The following NEB variants were observed in gnomAD, a reference collection of about 807,000 sequenced individuals.
NEB encodes the protein nebulin, also known as nemaline myopathy type 2.
Under a neutral mutation model 952.2 loss-of-function variants are expected in NEB, and 512 were observed. The ratio of observed to expected loss-of-function variants is 0.54; its 90% CI spans 0.50 to 0.58. The LOEUF (loss-of-function observed/expected upper bound fraction) is 0.58, where lower values mean the gene tolerates loss of function less well. NEB is among the 20% of genes least tolerant of loss of function. The pLI is 0.00. For missense variants in NEB, 8,428 were observed against 9,231.1 expected, an observed-to-expected ratio of 0.91 and a Z score of 3.56; for synonymous variants, 2,900 against 3,149.8, an observed-to-expected ratio of 0.92 and a Z score of 2.66.
Position 151,610,065 on chromosome 2 carries a change from C to A in NEB, c.12074G>T (p.Ser4025Ile), listed in dbSNP as rs767858255. The change falls in exon 81 of 182, where the codon AGC becomes ATC. Residue 4025 changes from serine to isoleucine, a missense_variant. Coordinates refer to ENST00000397345, the MANE Select transcript of NEB (RefSeq NM_001164508.2). ...KQKGHHIGAQSIEDDPKIMCA... is the reference protein window; with the variant it reads ...KQKGHHIGAQIIEDDPKIMCA... ...CATAATCTTGGGATCATCTTCAATG[C>A]TCTGGGCTCCAATGTGGTGGCCTTT... 76 of 1,613,720 alleles carry A rather than the reference C, an allele frequency of 4.7e-5. No individual in the cohort carries two copies. Among genetic ancestry groups the A allele is most frequent in the Admixed American group, 3.2e-4 (19 of 59,984 alleles).
At chr2:151,700,328 G>T (rs2099637320) in intron 13 of NEB, among the ~76,000 whole-genome samples, 6 of 87,644 alleles carry the variant, frequency 6.8e-5, no homozygotes, top group African/African-American at 2.9e-4. Flanking sequence ...TTTGGCTTAG[G>T]ACTGACTTGG....
At chr2:151,609,517 A>T (rs1244005139) in intron 81 of NEB, among the ~76,000 whole-genome samples, 1 of 152,234 alleles carries the variant, frequency 6.6e-6, no homozygotes, top group South Asian at 2.1e-4. Flanking sequence ...TTCCATTTTA[A>T]TCCTGTGGCA....
At chr2:151,694,739 C>T in intron 18 of NEB, 110 bp from the exon 19 acceptor site, 2 of 803,386 alleles carry the variant, frequency 2.5e-6, no homozygotes, top group Admixed American at 2.4e-5. Context: ...TAAATGGGCC[C>T]TTTTTATTGT....
chr2:151,526,084 G>A lies in NEB; in HGVS notation c.22051-16C>T, dbSNP rs1233699016. 2 of 1,612,782 alleles carry A rather than the reference G, an allele frequency of 1.2e-6. No homozygotes were observed. The highest frequency in any genetic ancestry group is 4.5e-5 in the East Asian group (2 of 44,886). ...TGTACTTGTTCTGGGGGAATCCATA[G>A]AGAGCTCATTAAGGCATCTGCCTGG... On this transcript the variant is annotated splice_polypyrimidine_tract_variant and intron_variant, in intron 149 of 181. Coordinates refer to ENST00000397345, the MANE Select transcript of NEB (RefSeq NM_001164508.2).
intron 62 of NEB, 37 bp from the exon 63 acceptor site, chr2:151,639,421 G>A: frequency 6.9e-7 from 1 of 1,451,084 alleles, no homozygotes. Flanking sequence ...CAGGAAAAAA[G>A]TTCTGTGTAT....
At chr2:151,504,952 C>G (rs114266322) in intron 165 of NEB, among the ~76,000 whole-genome samples, 87 of 152,092 alleles carry the variant, frequency 5.7e-4, no homozygotes, top group African/African-American at 2.0e-3. Flanking sequence ...GCAAAGAATA[C>G]AGGAGAAGAA....
chr2:151,696,378 C>A (rs1032104246), intron 17 of NEB, among the ~76,000 whole-genome samples: 2 of 152,122 alleles, frequency 1.3e-5, no homozygotes, highest in African/African-American at 4.8e-5. Context: ...CATTTGAATG[C>A]GGTTTTGTTT....
intron 9 of NEB, among the ~76,000 whole-genome samples, 177 bp from the exon 10 acceptor site, chr2:151,717,697 A>G (rs753909381): frequency 6.6e-6 from 1 of 152,144 alleles, no homozygotes; most frequent in Non-Finnish European, 1.5e-5. Context: ...CTCAAGACTC[A>G]TGGCCCTAGA....
rs753872949 is a variant in NEB at position 151,549,715 on chromosome 2, G to A, written c.19970C>T (p.Thr6657Ile). The part of the protein sequence containing the change: ...SSNLYKTSLR[T>I]LPTGYRLPGD... ...TGGAAGTCTATATCCAGTGGGCAGG[G>A]TGCGCAGGCTGGTTTTGTATAGATT... Residue 6657 changes from threonine (T) to isoleucine (I), a missense_variant, in exon 130 of 182, where the codon ACC becomes ATC. Coordinates refer to ENST00000397345, the MANE Select transcript of NEB (RefSeq NM_001164508.2). The A allele has an allele frequency of 1.3e-6, 2 of 1,593,294 alleles. No homozygotes were observed. Among genetic ancestry groups the A allele is most frequent in the African/African-American group, 2.7e-5 (2 of 74,668 alleles).
At chr2:151,491,003 A>C (rs903151695) in intron 179 of NEB, among the ~76,000 whole-genome samples, 11 of 151,748 alleles carry the variant, frequency 7.2e-5, no homozygotes, top group African/African-American at 2.7e-4. Context: ...AAACTGGAGT[A>C]TAAATCCTTT....
At chr2:151,689,339 A>C (rs1463933153) in intron 24 of NEB, 2 of 150,916 alleles carry the variant, frequency 1.3e-5, no homozygotes, top group Non-Finnish European at 2.9e-5. Context: ...TCAGTAGCTG[A>C]GACTACAGGC....
intron 95 of NEB, among the ~76,000 whole-genome samples, 194 bp downstream of exon 95, chr2:151,591,840 C>T (rs1440507123): frequency 6.6e-6 from 1 of 152,310 alleles, no homozygotes; most frequent in South Asian, 2.1e-4. Context: ...TTCCATTTTT[C>T]CTTCCAACAA....
rs199875722 is a variant in NEB at position 151,546,364 on chromosome 2, C to T, written c.20447G>A (p.Arg6816Gln). 123 of 1,612,460 alleles carry T rather than the reference C, an allele frequency of 7.6e-5. No homozygotes were observed. The highest frequency in any genetic ancestry group is 9.4e-5 in the Non-Finnish European group (111 of 1,179,166). Reference sequence around the variant, plus strand: ...ACTCACCCAGAGCTTCCGCAGGTGCCGGGAGCGGACCATGTCAGGAGTGTC... The same window carrying T: ...ACTCACCCAGAGCTTCCGCAGGTGCTGGGAGCGGACCATGTCAGGAGTGTC... ...LYDTPDMVRS[R>Q]HLRKLWSNYL... Residue 6816 changes from arginine (R) to glutamine (Q), a missense_variant, in exon 134 of 182, where the codon CGG (arginine) becomes CAG (glutamine). This residue lies in a region of NEB where 3,374 missense variants were observed against 3,651.5 expected (regional missense o/e 0.92). Coordinates refer to ENST00000397345, the MANE Select transcript of NEB (RefSeq NM_001164508.2).
chr2:151,699,857 CTTTAG>C (rs1303358190), intron 13 of NEB, among the ~76,000 whole-genome samples: 1 of 151,708 alleles, frequency 6.6e-6, no homozygotes, highest in African/African-American at 2.4e-5. Flanking sequence ...TGCAGAAGCT[CTTTAG>C]TTTAATTAGA....
chr2:151,619,720 T>A lies in NEB; in HGVS notation c.10603A>T (p.Ile3535Phe). 3.1e-6 allele frequency: 5 copies of A among 1,613,706 alleles called. No homozygotes were observed. The highest frequency in any genetic ancestry group is 4.2e-6 in the Non-Finnish European group (5 of 1,179,642). The stretch of plus-strand genomic sequence containing the variant: ...TCATCGTGTACTGCTCGGGCGCCAA[T>A]GTGGTGACCCAACTGTTTACGATAT... ...EAYRKQLGHH[I>F]GARAVHDDPK... Residue 3535 changes from isoleucine to phenylalanine, a missense_variant, in exon 73 of 182, where the codon ATT becomes TTT. This residue lies in a region of NEB where 1,772 missense variants were observed against 1,960.3 expected (regional missense o/e 0.90). Coordinates refer to ENST00000397345, the MANE Select transcript of NEB (RefSeq NM_001164508.2).
chr2:151,572,710 C>T (rs567768015), intron 107 of NEB, among the ~76,000 whole-genome samples: 1 of 150,852 alleles, frequency 6.6e-6, no homozygotes, highest in East Asian at 2.0e-4. Context: ...CTATGCCTGG[C>T]TATTTTTTGT....
rs2090423385 is a variant in NEB at position 151,530,989 on chromosome 2, C to T, written c.21630+5G>A. ...GAGGGACTGCTAAACCATTCTAGTA[C>T]TTACATCACTGACTTCATCTTTAAC... On this transcript the variant is annotated splice_donor_5th_base_variant and intron_variant, in intron 145 of 181. Transcript: ENST00000397345. 1.3e-6 allele frequency: 2 copies of T among 1,598,064 alleles called. No homozygotes were observed. The highest frequency in any genetic ancestry group is 1.7e-6 in the Non-Finnish European group (2 of 1,166,526).
chr2:151,694,729 T>C, intron 18 of NEB, 100 bp from the exon 19 acceptor site: 1 of 861,410 alleles, frequency 1.2e-6, no homozygotes, highest in South Asian at 1.6e-5. Context: ...TAATATAAAA[T>C]AAATGGGCCC....
Position 151,526,174 on chromosome 2 carries a change from C to G in NEB, c.22034G>C (p.Ser7345Thr), listed in dbSNP as rs748649959. Residue 7345 changes from serine to threonine, a missense_variant, in exon 149 of 182, where the codon AGC (serine) becomes ACC (threonine). Ser to Thr is a moderately conservative substitution (Grantham distance 58). Around this residue, in one of 11 missense-constraint regions of NEB, gnomAD observed 3,374 missense variants for 3,651.5 expected, o/e 0.92. Coordinates refer to ENST00000397345, the MANE Select transcript of NEB (RefSeq NM_001164508.2). ...TPQILLAKTV[S>T]NLVSENKYKD... is the part of the protein sequence containing the mutation. ...GGGGGTTACCTCAGACACCAGGTTG[C>G]TGACAGTCTTCGCCAGCAGGATCTG... 5 of 1,613,788 alleles carry G rather than the reference C, an allele frequency of 3.1e-6. No homozygotes were observed. The highest frequency in any genetic ancestry group is 1.6e-4 in the Middle Eastern group (1 of 6,084).
Sources: gnomAD v4.1 joint callset for allele counts (sites outside exome capture counted in the v4.1 genomes callset) on GRCh38, gnomAD v4.1.1 for gene constraint, gnomAD v4.1.1 regional missense constraint, MANE v1.5 for transcripts, NCBI Gene and HGNC (gene_info 2026-07-23, HGNC 2026-07-21) for gene names.